Variants in PRAG1 observed in about 807,000 individuals in gnomAD.
The protein encoded by PRAG1 is inactive tyrosine-protein kinase PRAG1.
Under a neutral mutation model 95.6 loss-of-function variants are expected in PRAG1, and 110 were observed. The ratio of observed to expected loss-of-function variants is 1.15; its 90% CI spans 0.99 to 1.35. The LOEUF is 1.35. Ranked by LOEUF, PRAG1 falls within the 40% of genes most tolerant of loss-of-function variation. The pLI is 0.00. For missense variants in PRAG1, 2,554 were observed against 1,864.7 expected (o/e 1.37, Z -6.81); for synonymous variants, 1,052 against 819.4 (o/e 1.28, Z -4.85).
At position 8,318,103 on chromosome 8, in the gene PRAG1, G is replaced by T; in HGVS notation, c.*51C>A. 3 of 1,539,938 alleles carry T rather than the reference G, an allele frequency of 1.9e-6. No individual in the cohort carries two copies. The highest frequency in any genetic ancestry group is 2.0e-5 in the Admixed American group (1 of 49,404). ...ACATGGGTGCTTCCAAGGCGAGACAGGAAAGGGTTAGGCAGGGAAGGGGCA... is the reference window on the plus strand; with the variant it reads ...ACATGGGTGCTTCCAAGGCGAGACATGAAAGGGTTAGGCAGGGAAGGGGCA... On this transcript the variant is annotated 3_prime_UTR_variant, in exon 6 of 6. Transcript: ENST00000615670. The surrounding 1 kb of genome is among the most constrained non-coding windows in gnomAD (Gnocchi z 4.2).
chr8:8,318,046 T>C lies in PRAG1; in HGVS notation c.*108A>G. On this transcript the variant is annotated 3_prime_UTR_variant, in exon 6 of 6. Coordinates refer to ENST00000615670, the MANE Select transcript of PRAG1 (RefSeq NM_001080826.3). This position sits in a 1 kb window ranked among gnomAD's most constrained non-coding sequence, Gnocchi z 4.2. ...TATATTTATATATTTTACATCCAGG[T>C]ATCCCAGTCATCTGTACCATTTCCC... is the stretch of plus-strand genomic sequence containing the variant. 1 of 943,162 alleles carries C rather than the reference T, an allele frequency of 1.1e-6. No homozygotes were observed. Among genetic ancestry groups the C allele is most frequent in the South Asian group, 2.0e-5 (1 of 50,368 alleles). The allele number at this position is 943,162 out of a possible 1,614,324, so 58.4% of individuals were successfully genotyped here.
intron 1 of PRAG1, among the ~76,000 whole-genome samples, chr8:8,386,002 G>A (rs556769287): frequency 1.1e-4 from 17 of 152,210 alleles, no homozygotes; most frequent in Admixed American, 9.8e-4. Flanking sequence ...AGACAGAGCA[G>A]CAAGACCAGA....
intron 3 of PRAG1, among the ~76,000 whole-genome samples, chr8:8,355,467 T>C (rs895753728): frequency 3.3e-5 from 5 of 152,070 alleles, no homozygotes; most frequent in East Asian, 3.9e-4. Context: ...CAAAGCAATA[T>C]TGAGAAAGAA....
At chr8:8,381,870 G>A in intron 1 of PRAG1, 36 bp from the exon 2 acceptor site, 2 of 724,118 alleles carry the variant, frequency 2.8e-6, no homozygotes, top group Non-Finnish European at 4.4e-6. Context: ...TTAGAGATTT[G>A]CCATGCCAGA....
At chr8:8,358,206 T>C (rs1292093602) in intron 3 of PRAG1, among the ~76,000 whole-genome samples, 2 of 152,150 alleles carry the variant, frequency 1.3e-5, no homozygotes, top group Non-Finnish European at 2.9e-5. Flanking sequence ...TACAAGTTTA[T>C]TATAAAGTAT....
intron 4 of PRAG1, among the ~76,000 whole-genome samples, chr8:8,329,290 G>A (rs1449798253): frequency 6.6e-6 from 1 of 152,072 alleles, no homozygotes; most frequent in Admixed American, 6.5e-5. Flanking sequence ...CGACTAAGGA[G>A]TCTGAGGCAG....
At chr8:8,329,669 T>A (rs1265334263) in intron 4 of PRAG1, among the ~76,000 whole-genome samples, 1 of 152,170 alleles carries the variant, frequency 6.6e-6, no homozygotes, top group Non-Finnish European at 1.5e-5. Flanking sequence ...CCTGAACAGT[T>A]AATAACCTTC....
intron 2 of PRAG1, 133 bp downstream of exon 2, chr8:8,381,285 C>T: frequency 1.2e-6 from 1 of 821,512 alleles, no homozygotes; most frequent in East Asian, 2.7e-5. Flanking sequence ...CAGGAGCCAT[C>T]TCAGGGCAAA....
chr8:8,331,908 C>G (rs1194622675), intron 4 of PRAG1, among the ~76,000 whole-genome samples: 2 of 152,196 alleles, frequency 1.3e-5, no homozygotes, highest in Admixed American at 6.5e-5. Context: ...AGCTTAACTT[C>G]AAGAATTAGC....
intron 3 of PRAG1, among the ~76,000 whole-genome samples, 159 bp from the exon 4 acceptor site, chr8:8,339,794 T>A (rs1158012600): frequency 6.6e-6 from 1 of 152,154 alleles, no homozygotes; most frequent in African/African-American, 2.4e-5. Flanking sequence ...GTAGAGGTTC[T>A]CTTCTGAGTT....
chr8:8,352,950 A>G (rs150821590), intron 3 of PRAG1, among the ~76,000 whole-genome samples: 54 of 152,368 alleles, frequency 3.5e-4, no homozygotes, highest in Non-Finnish European at 5.9e-4. Context: ...ACTCCAAGTC[A>G]AAAATGGTTA....
intron 3 of PRAG1, among the ~76,000 whole-genome samples, chr8:8,340,159 CT>C (rs765047352): frequency 6.6e-6 from 1 of 152,146 alleles, no homozygotes; most frequent in African/African-American, 2.4e-5. Flanking sequence ...TTAAGGAAAA[CT>C]TTAAATGTGA....
At chr8:8,352,210 C>A (rs1338711181) in intron 3 of PRAG1, among the ~76,000 whole-genome samples, 2 of 152,174 alleles carry the variant, frequency 1.3e-5, no homozygotes, top group Non-Finnish European at 2.9e-5. Context: ...GCTGGGGCAG[C>A]CTTTTGCCCA....
At chr8:8,357,366 G>A (rs776692963) in intron 3 of PRAG1, among the ~76,000 whole-genome samples, 10 of 151,860 alleles carry the variant, frequency 6.6e-5, no homozygotes, top group Admixed American at 2.0e-4. Context: ...TTAAAAACTG[G>A]TCAAAGAACT....
chr8:8,365,581 G>A (rs543186862), intron 3 of PRAG1, among the ~76,000 whole-genome samples: 12 of 151,864 alleles, frequency 7.9e-5, no homozygotes, highest in Non-Finnish European at 1.2e-4. Context: ...CTGACATCGC[G>A]CCATTGCACT....
At chr8:8,342,357 C>T (rs368795425) in intron 3 of PRAG1, among the ~76,000 whole-genome samples, 4 of 151,540 alleles carry the variant, frequency 2.6e-5, no homozygotes, top group African/African-American at 7.3e-5. Context: ...CACCACGCCC[C>T]GCTAATTTTT....
rs1460554359 is a variant in PRAG1 at position 8,376,482 on chromosome 8, C to G, written c.1927G>C (p.Glu643Gln). Residue 643 changes from glutamate to glutamine, a missense_variant, in exon 3 of 6, where the codon GAG (glutamate) becomes CAG (glutamine). Coordinates refer to ENST00000615670, the MANE Select transcript of PRAG1 (RefSeq NM_001080826.3). ...WSRQCRIEEEEEVEQELLSHS... is the reference protein window; with the variant it reads ...WSRQCRIEEEQEVEQELLSHS... Reference sequence around the variant, plus strand: ...CTCAGCAATTCCTGCTCCACCTCCTCTTCTTCCTCTATCCGGCACTGACGA... The same window carrying G: ...CTCAGCAATTCCTGCTCCACCTCCTGTTCTTCCTCTATCCGGCACTGACGA... 13 of 1,613,592 alleles carry G rather than the reference C, an allele frequency of 8.1e-6. No individual in the cohort carries two copies. In the East Asian group the frequency reaches 2.9e-4, roughly 36 times the overall value.
rs1468570791 is a variant in PRAG1 at position 8,381,731 on chromosome 8, C to A, written c.17G>T (p.Cys6Phe). The stretch of plus-strand genomic sequence containing the variant: ...CATTTTCAGGCTCTCGGGGTTCAGG[C>A]AGAGGGTCTGGTGCATCTTGAGCCG... MHQTL[C>F]LNPESLKMSA... is the part of the protein sequence containing the mutation. The change falls in exon 2 of 6, where the codon TGC (cysteine) becomes TTC (phenylalanine). Residue 6 changes from cysteine to phenylalanine, a missense_variant. Cys to Phe is a radical substitution (Grantham distance 205). Transcript: ENST00000615670. 6.3e-6 allele frequency: 10 copies of A among 1,595,002 alleles called. No individual in the cohort carries two copies. Among genetic ancestry groups the A allele is most frequent in the African/African-American group, 1.3e-5 (1 of 74,624 alleles).
intron 3 of PRAG1, among the ~76,000 whole-genome samples, chr8:8,365,538 C>T (rs1799971657): frequency 6.6e-6 from 1 of 152,050 alleles, no homozygotes; most frequent in South Asian, 2.1e-4. Context: ...GCAGGAGAAT[C>T]ACTTAAGCCC....
Sources: gnomAD v4.1 joint callset for allele counts (sites outside exome capture counted in the v4.1 genomes callset) on GRCh38, gnomAD v4.1.1 for gene constraint, Gnocchi (gnomAD v3.1) non-coding constraint, MANE v1.5 for transcripts, NCBI Gene and HGNC (gene_info 2026-07-23, HGNC 2026-07-21) for gene names.